SLC8A3: variants seen among roughly 807,000 people sequenced by gnomAD.
SLC8A3 encodes solute carrier family 8 member A3.
SLC8A3 carries 37 observed loss-of-function variants against 65.4 expected under a neutral mutation model. The ratio of observed to expected loss-of-function variants is 0.57; its 90% CI spans 0.44 to 0.74. The LOEUF (loss-of-function observed/expected upper bound fraction) is 0.74, where lower values mean the gene tolerates loss of function less well. Among genes scored for constraint, SLC8A3 ranks in the 30% least tolerant of loss-of-function variants. The pLI is 0.00. For missense variants in SLC8A3, 1,112 were observed against 1,172.1 expected, an observed-to-expected ratio of 0.95 and a Z score of 0.75; for synonymous variants, 461 against 444.5, an observed-to-expected ratio of 1.04 and a Z score of -0.47.
rs544720831 is a variant in SLC8A3 at position 70,188,440 on chromosome 14, G to C, written c.-124C>G. ...GAGGGGGGTGAGGAAGGTACGCGAT[G>C]CCCCCGCCGCCCGGCGCCTCACCGG... On this transcript the variant is annotated 5_prime_UTR_variant, in exon 1 of 7. Coordinates refer to ENST00000356921, the MANE Select transcript of SLC8A3 (RefSeq NM_182932.3). 30 of 152,202 alleles carry C rather than the reference G, an allele frequency of 2.0e-4. No homozygotes were observed. The highest frequency in any genetic ancestry group is 7.2e-4 in the African/African-American group (30 of 41,530). 9.4% of individuals were successfully genotyped at this position (152,202 alleles called of 1,614,324 possible).
intron 2 of SLC8A3, among the ~76,000 whole-genome samples, chr14:70,069,343 G>C (rs1889785663): frequency 6.6e-6 from 1 of 152,100 alleles, no homozygotes; most frequent in South Asian, 2.1e-4. Flanking sequence ...CTGAGTACAG[G>C]CTGGGCTTCT....
intron 2 of SLC8A3, among the ~76,000 whole-genome samples, chr14:70,118,770 T>C (rs1052982684): frequency 6.6e-6 from 1 of 152,124 alleles, no homozygotes; most frequent in African/African-American, 2.4e-5. Flanking sequence ...GAAATGGAGT[T>C]TGGGATGTTC....
chr14:70,071,427 A>G lies in SLC8A3; in HGVS notation c.1785-10488T>C, dbSNP rs868833091. Reference sequence around the variant, plus strand: ...GAAAGCCAGAAAGATACGAGCCACAAGAAAGATTCTACATGCTGCTTTGGT... The same window carrying G: ...GAAAGCCAGAAAGATACGAGCCACAGGAAAGATTCTACATGCTGCTTTGGT... On this transcript the variant is annotated intron_variant, in intron 2 of 6. Transcript: ENST00000356921. Among the ~76,000 whole-genome samples the G allele has an allele frequency of 2.0e-4, 30 of 152,342 alleles. No individual in the cohort carries two copies. In the South Asian group the frequency reaches 2.1e-3, roughly 11 times the overall value.
rs373370870 is a variant in SLC8A3 at position 70,168,418 on chromosome 14, G to A, written c.5C>T (p.Ala2Val). The stretch of plus-strand genomic sequence containing the variant: ...GGTGAGAGGCTGCAACCTTAACCAC[G>A]CCATACACGAGACTTAGCCACTGGC... M[A>V]WLRLQPLTSA... The change falls in exon 2 of 7, where the codon GCG becomes GTG. Residue 2 changes from alanine to valine, a missense_variant. Physicochemically the swap from Ala to Val is moderately conservative, Grantham distance 64. Transcript: ENST00000356921. 6 of 1,611,904 alleles carry A rather than the reference G, an allele frequency of 3.7e-6. No individual in the cohort carries two copies. The highest frequency in any genetic ancestry group is 5.1e-6 in the Non-Finnish European group (6 of 1,178,870).
intron 2 of SLC8A3, among the ~76,000 whole-genome samples, chr14:70,084,217 G>T (rs1566767696): frequency 6.6e-6 from 1 of 152,200 alleles, no homozygotes; most frequent in Non-Finnish European, 1.5e-5. Flanking sequence ...GCATAACATT[G>T]TATCACCTTG....
Position 70,157,844 on chromosome 14 carries a change from A to T in SLC8A3, c.1784+8795T>A, listed in dbSNP as rs17107875. On this transcript the variant is annotated intron_variant, in intron 2 of 6. Coordinates refer to ENST00000356921, the MANE Select transcript of SLC8A3 (RefSeq NM_182932.3). ...CCATGAGTGGTTTGTTTCCTGGGAG[A>T]TATCAGTCTTCCTGGTGCTATCATG... Among the ~76,000 whole-genome samples, 3,340 of 152,330 alleles carry T rather than the reference A, an allele frequency of 0.022. 386 individuals are homozygous for T. In the East Asian group the frequency reaches 0.37, roughly 17 times the overall value.
intron 2 of SLC8A3, among the ~76,000 whole-genome samples, chr14:70,142,941 C>A (rs1485084829): frequency 6.6e-6 from 1 of 152,174 alleles, no homozygotes; most frequent in African/African-American, 2.4e-5. Flanking sequence ...ATGTTTAGGT[C>A]TAGGGCTGTA....
At chr14:70,172,498 C>T (rs1000294077) in intron 1 of SLC8A3, among the ~76,000 whole-genome samples, 4 of 152,136 alleles carry the variant, frequency 2.6e-5, no homozygotes, top group Non-Finnish European at 5.9e-5. Flanking sequence ...AGGTGACTGT[C>T]CCACACCTGC....
At chr14:70,161,155 AAT>A (rs917680332) in intron 2 of SLC8A3, among the ~76,000 whole-genome samples, 1 of 146,354 alleles carries the variant, frequency 6.8e-6, no homozygotes, top group Non-Finnish European at 1.5e-5. Flanking sequence ...ATATATGTAT[AAT>A]ATATATATAT....
intron 2 of SLC8A3, among the ~76,000 whole-genome samples, chr14:70,149,216 G>C (rs925961531): frequency 4.6e-5 from 7 of 152,208 alleles, no homozygotes; most frequent in South Asian, 2.1e-4. Flanking sequence ...TGAAGGCAAG[G>C]GTGACTCATC....
At chr14:70,102,705 T>A (rs1318240276) in intron 2 of SLC8A3, among the ~76,000 whole-genome samples, 1 of 152,064 alleles carries the variant, frequency 6.6e-6, no homozygotes, top group Admixed American at 6.6e-5. Context: ...AGATTGAAGG[T>A]GGCATAATAA....
intron 1 of SLC8A3, among the ~76,000 whole-genome samples, chr14:70,185,450 G>A (rs919573948): frequency 1.3e-5 from 2 of 152,248 alleles, no homozygotes; most frequent in African/African-American, 4.8e-5. Context: ...ATCCTGCACA[G>A]GCAAAGGGCA....
chr14:70,075,517 GC>G (rs763249289), intron 2 of SLC8A3, among the ~76,000 whole-genome samples: 1 of 152,146 alleles, frequency 6.6e-6, no homozygotes, highest in Non-Finnish European at 1.5e-5. Context: ...TTTGCCTTCT[GC>G]CTTCTGCCTT....
chr14:70,158,395 A>G (rs1354848311), intron 2 of SLC8A3, among the ~76,000 whole-genome samples: 2 of 152,230 alleles, frequency 1.3e-5, no homozygotes, highest in East Asian at 3.8e-4. Context: ...TCGACAAATC[A>G]AGACCAAACA....
chr14:70,052,153 T>C (rs1887587765), intron 3 of SLC8A3, 39 bp from the exon 4 acceptor site: 1 of 1,561,770 alleles, frequency 6.4e-7, no homozygotes, highest in Admixed American at 1.9e-5. Context: ...TAACACCTTT[T>C]CCATTCCCTG....
intron 3 of SLC8A3, among the ~76,000 whole-genome samples, chr14:70,053,803 C>G (rs545009518): frequency 6.6e-6 from 1 of 152,196 alleles, no homozygotes; most frequent in Non-Finnish European, 1.5e-5. Flanking sequence ...CACAGAGGCT[C>G]TCTGTATATA....
Position 70,167,347 on chromosome 14 carries a change from G to A in SLC8A3, c.1076C>T (p.Thr359Ile). 2 of 1,614,186 alleles carry A rather than the reference G, an allele frequency of 1.2e-6. No homozygotes were observed. The highest frequency in any genetic ancestry group is 1.1e-5 in the South Asian group (1 of 91,084). ...KSRAFYRIQA[T>I]RMMTGAGNIL... ...ATTGCCTGCACCAGTCATCATACGAGTGGCTTGGATACGGTAGAAGGCACG... is the reference window on the plus strand; with the variant it reads ...ATTGCCTGCACCAGTCATCATACGAATGGCTTGGATACGGTAGAAGGCACG... Residue 359 changes from threonine to isoleucine, a missense_variant, in exon 2 of 7, where the codon ACT (threonine) becomes ATT (isoleucine). Transcript: ENST00000356921.
chr14:70,060,350 G>A (rs1888645035), intron 3 of SLC8A3: 1 of 290,656 alleles, frequency 3.4e-6, no homozygotes, highest in Non-Finnish European at 6.6e-6. Context: ...AGGCTAAAGA[G>A]TGAGGGGTGG....
At chr14:70,168,598 T>C (rs1287047753) in intron 1 of SLC8A3, 114 bp from the exon 2 acceptor site, 3 of 587,394 alleles carry the variant, frequency 5.1e-6, no homozygotes, top group African/African-American at 3.7e-5. Flanking sequence ...CACTAACATA[T>C]GGGGCAGTCT....
Sources: allele counts gnomAD v4.1 joint callset (sites outside exome capture counted in the v4.1 genomes callset), GRCh38; gene constraint gnomAD v4.1.1; transcripts MANE v1.5; gene names NCBI Gene and HGNC (gene_info 2026-07-23, HGNC 2026-07-21).